MOCS1: variants seen among roughly 807,000 people sequenced by gnomAD.
MOCS1 encodes molybdenum cofactor biosynthesis protein 1.
In MOCS1, 39 loss-of-function variants were observed where a neutral mutation model predicts 57.6. The ratio of observed to expected loss-of-function variants is 0.68; its 90% confidence interval spans 0.52 to 0.88. The LOEUF (loss-of-function observed/expected upper bound fraction) is 0.88, where lower values mean the gene tolerates loss of function less well. Among genes scored for constraint, MOCS1 ranks in the 40% least tolerant of loss-of-function variants. The probability of loss-of-function intolerance (pLI) is 0.00; values close to 1 mark genes in which losing one functional copy is unlikely to be tolerated. For missense variants in MOCS1, 795 were observed against 831.1 expected, an observed-to-expected ratio of 0.96 and a Z score of 0.53; for synonymous variants, 334 against 335.7, an observed-to-expected ratio of 1.00 and a Z score of 0.05.
chr6:39,913,441 C>A lies in MOCS1; in HGVS notation c.646-13G>T. On this transcript the variant is annotated splice_polypyrimidine_tract_variant and intron_variant, in intron 5 of 10. Transcript: ENST00000340692. The stretch of plus-strand genomic sequence containing the variant: ...CCACACAGTTCACCTGGCCGGGGAA[C>A]AATGGGACCATGAGGGCTGTGCCCC... The A allele has an allele frequency of 6.2e-7, 1 of 1,610,418 alleles. No homozygotes were observed. Among genetic ancestry groups the A allele is most frequent in the Non-Finnish European group, 8.5e-7 (1 of 1,176,638 alleles).
rs1417001496 is a variant in MOCS1, at chr6:39,905,451, A to C, written c.*906T>G. ...TGGGATAGGATTGATTGATTGATTGATAGGTGCAGCCTTCCCTGTGAAACT... is the reference window on the plus strand; with the variant it reads ...TGGGATAGGATTGATTGATTGATTGCTAGGTGCAGCCTTCCCTGTGAAACT... On this transcript the variant is annotated 3_prime_UTR_variant, in exon 11 of 11. Coordinates refer to ENST00000340692, the MANE Select transcript of MOCS1 (RefSeq NM_001358530.2). 2 of 470,678 alleles carry C rather than the reference A, an allele frequency of 4.2e-6. No homozygotes were observed. Among genetic ancestry groups the C allele is most frequent in the East Asian group, 7.0e-5 (1 of 14,366 alleles). The allele number at this position is 470,678 out of a possible 1,614,324, so 29.2% of individuals were successfully genotyped here.
At position 39,906,516 on chromosome 6, in the gene MOCS1, C is replaced by T. The variant is rs77225343; in HGVS notation, c.1752G>A (p.Arg584=). The T allele has an allele frequency of 5.9e-4, 949 of 1,613,988 alleles. 16 individuals carry two copies. In the East Asian group the frequency reaches 0.016, roughly 28 times the overall value. Residue 584 remains arginine, a synonymous_variant, in exon 11 of 11, where the codon CGG becomes CGA. Transcript: ENST00000340692. ...CCTCCATCTCCACCCCGGTGGGGCC[C>T]CGAGCCCGGCAAGATGCCTGGATCT... The part of the protein sequence containing the change: ...AVKIQASCRA[R]GPTGVEMEAL...
At position 39,909,994 on chromosome 6, in the gene MOCS1, G is replaced by A; in HGVS notation, c.982-39C>T. On this transcript the variant is annotated intron_variant, in intron 8 of 10. Coordinates refer to ENST00000340692, the MANE Select transcript of MOCS1 (RefSeq NM_001358530.2). ...AGGACAATATGCCTTCCTTACCCCT[G>A]AGCCTTGGCCTCCTGGCCTCTGAGG... is the stretch of plus-strand genomic sequence containing the variant. 5.0e-6 allele frequency: 8 copies of A among 1,609,550 alleles called. No homozygotes were observed. In the South Asian group the frequency reaches 7.7e-5, roughly 15 times the overall value.
intron 5 of MOCS1, 109 bp downstream of exon 5, chr6:39,913,665 G>T: frequency 1.6e-6 from 2 of 1,278,284 alleles, no homozygotes; most frequent in Non-Finnish European, 2.3e-6. Context: ...ACGTACTTCA[G>T]CCATGCTGGC....
intron 3 of MOCS1, among the ~76,000 whole-genome samples, chr6:39,923,736 G>A (rs1582829650): frequency 2.0e-5 from 3 of 152,398 alleles, no homozygotes; most frequent in South Asian, 2.1e-4. Flanking sequence ...GTGACCAGTA[G>A]GAGCTGAAGG....
rs761396381 is a variant in MOCS1 at position 39,916,099 on chromosome 6, A to G, written c.552T>C (p.Pro184=). 3.1e-6 allele frequency: 5 copies of G among 1,612,832 alleles called. No homozygotes were observed. The highest frequency in any genetic ancestry group is 4.2e-6 in the Non-Finnish European group (5 of 1,179,580). The change falls in exon 4 of 11, where the codon CCT becomes CCC. Residue 184 remains proline, a synonymous_variant. Coordinates refer to ENST00000340692, the MANE Select transcript of MOCS1 (RefSeq NM_001358530.2). The part of the protein sequence containing the change: ...AINISLDTLV[P]AKFEFIVRRK... ...TGCGGACAATGAACTCAAACTTGGCAGGCACCAGGGTGTCCAGGCTGATGT... is the reference window on the plus strand; with the variant it reads ...TGCGGACAATGAACTCAAACTTGGCGGGCACCAGGGTGTCCAGGCTGATGT...
rs928958481 is a variant in MOCS1 at position 39,905,001 on chromosome 6, C to T, written c.*1356G>A. 4 of 453,086 alleles carry T rather than the reference C, an allele frequency of 8.8e-6. No homozygotes were observed. The highest frequency in any genetic ancestry group is 1.6e-5 in the South Asian group (1 of 64,470). The allele number at this position is 453,086 out of a possible 1,614,324, so 28.1% of individuals were successfully genotyped here. A position where few individuals can be genotyped will look rare whatever the true frequency, so the allele number is the denominator to read the frequency against. ...TTCAGAAATTTTGCAAGCCATTTGA[C>T]ATACTGGTAGCTTGAAATTATTCAA... On this transcript the variant is annotated 3_prime_UTR_variant, in exon 11 of 11. Transcript: ENST00000340692.
chr6:39,911,300 CA>C (rs776302710), intron 8 of MOCS1, among the ~76,000 whole-genome samples: 17 of 152,136 alleles, frequency 1.1e-4, no homozygotes, highest in Non-Finnish European at 2.4e-4. Flanking sequence ...CATCTAAACC[CA>C]ACCCACCATC....
chr6:39,912,451 C>G, intron 7 of MOCS1, 77 bp from the exon 8 acceptor site: 2 of 1,030,430 alleles, frequency 1.9e-6, no homozygotes, highest in South Asian at 2.5e-5. Flanking sequence ...TCCATGACAT[C>G]AGAACCTCCA....
chr6:39,916,148 T>G lies in MOCS1; in HGVS notation c.503A>C (p.Gln168Pro). ...GTTGATGGCACTGAGACCAGCCTTCTGAAGCTGGGGCAGTAGCCGGGCCAG... is the reference window on the plus strand; with the variant it reads ...GTTGATGGCACTGAGACCAGCCTTCGGAAGCTGGGGCAGTAGCCGGGCCAG... ...INLARLLPQL[Q>P]KAGLSAINIS... Residue 168 changes from glutamine (Q) to proline (P), a missense_variant, in exon 4 of 11, where the codon CAG becomes CCG. This residue lies in a region of MOCS1 where 416 missense variants were observed against 392.4 expected (regional missense o/e 1.06). Coordinates refer to ENST00000340692, the MANE Select transcript of MOCS1 (RefSeq NM_001358530.2). 1.2e-6 allele frequency: 2 copies of G among 1,614,066 alleles called. No homozygotes were observed. Among genetic ancestry groups the G allele is most frequent in the Non-Finnish European group, 1.7e-6 (2 of 1,180,026 alleles).
chr6:39,922,085 T>G (rs780654919), intron 3 of MOCS1, among the ~76,000 whole-genome samples: 5 of 152,202 alleles, frequency 3.3e-5, no homozygotes, highest in Non-Finnish European at 5.9e-5. Flanking sequence ...ACAGTACTTG[T>G]GCGCTTAGTT....
At chr6:39,922,525 G>A (rs972986423) in intron 3 of MOCS1, among the ~76,000 whole-genome samples, 11 of 152,164 alleles carry the variant, frequency 7.2e-5, no homozygotes, top group Non-Finnish European at 1.2e-4. Flanking sequence ...CATGCTCTAT[G>A]GGACAATGCT....
chr6:39,925,114 G>T (rs1768202155), intron 3 of MOCS1, among the ~76,000 whole-genome samples: 1 of 152,140 alleles, frequency 6.6e-6, no homozygotes, highest in South Asian at 2.1e-4. Context: ...CACTCAGTTT[G>T]CACGTTAGAC....
rs146576822 is a variant in MOCS1, at chr6:39,915,384, C to T, written c.583+684G>A. ...AGATCTGGGTCTCCCTGCCACCCCTCTGATCCTCCAGAGTCCTCAGTCATG... is the reference window on the plus strand; with the variant it reads ...AGATCTGGGTCTCCCTGCCACCCCTTTGATCCTCCAGAGTCCTCAGTCATG... On this transcript the variant is annotated intron_variant, in intron 4 of 10. Coordinates refer to ENST00000340692, the MANE Select transcript of MOCS1 (RefSeq NM_001358530.2). Among the ~76,000 whole-genome samples the T allele has an allele frequency of 3.9e-5, 6 of 152,244 alleles. No homozygotes were observed. In the East Asian group the frequency reaches 5.8e-4, roughly 15 times the overall value.
chr6:39,925,167 A>G lies in MOCS1; in HGVS notation c.418+511T>C, dbSNP rs1219773636. On this transcript the variant is annotated intron_variant, in intron 3 of 10. Transcript: ENST00000340692. The stretch of plus-strand genomic sequence containing the variant: ...CAGATTTGGCTGCTATAACTTGCCA[A>G]TTTCTGGGAAAGAGTGGCTGGTGTG... Among the ~76,000 whole-genome samples the G allele has an allele frequency of 3.3e-5, 5 of 152,356 alleles. No individual in the cohort carries two copies. In the East Asian group the frequency reaches 7.7e-4, roughly 23 times the overall value.
chr6:39,910,012 C>A, intron 8 of MOCS1, 57 bp from the exon 9 acceptor site: 1 of 1,605,626 alleles, frequency 6.2e-7, no homozygotes. Flanking sequence ...GCCTCCTGGC[C>A]TCTGAGGAGC....
At chr6:39,923,458 G>T (rs1260639755) in intron 3 of MOCS1, among the ~76,000 whole-genome samples, 1 of 152,240 alleles carries the variant, frequency 6.6e-6, no homozygotes, top group East Asian at 1.9e-4. Context: ...CCAGTGCTCA[G>T]CCATCCTGTA....
chr6:39,915,979 G>C, intron 4 of MOCS1, 89 bp downstream of exon 4: 4 of 1,437,848 alleles, frequency 2.8e-6, no homozygotes, highest in Non-Finnish European at 3.8e-6. Context: ...AAGAGGAAGT[G>C]ACCAGGCCCC....
At chr6:39,911,401 C>T (rs1410543788) in intron 8 of MOCS1, among the ~76,000 whole-genome samples, 1 of 152,212 alleles carries the variant, frequency 6.6e-6, no homozygotes, top group Non-Finnish European at 1.5e-5. Context: ...ACCAAGCTCT[C>T]TGAGTCTTCC....
Sources: allele counts gnomAD v4.1 joint callset (sites outside exome capture counted in the v4.1 genomes callset), GRCh38; gene constraint gnomAD v4.1.1; regional missense constraint gnomAD v4.1.1; transcripts MANE v1.5; gene names NCBI Gene and HGNC (gene_info 2026-07-23, HGNC 2026-07-21).